STX8: variants seen among roughly 807,000 people sequenced by gnomAD.
The protein encoded by STX8 is syntaxin 8.
In STX8, 23 loss-of-function variants were observed where a neutral mutation model predicts 37.5. The ratio of observed to expected loss-of-function variants is 0.61; its 90% CI spans 0.44 to 0.87. The LOEUF is 0.87. STX8 is among the 40% of genes least tolerant of loss of function. STX8 has a pLI of 0.00. For missense variants in STX8, 313 were observed against 284.7 expected (o/e 1.10, Z -0.71); for synonymous variants, 115 against 99.1 (o/e 1.16, Z -0.95).
chr17:9,568,873 G>C (rs1907569508), intron 1 of STX8, among the ~76,000 whole-genome samples: 1 of 152,196 alleles, frequency 6.6e-6, no homozygotes, highest in African/African-American at 2.4e-5. Context: ...TTCAAACAGA[G>C]GGGAAGAATA....
At chr17:9,504,975 A>AAAAAAAAG in intron 5 of STX8, 63 bp downstream of exon 5, 1 of 1,372,690 alleles carries the variant, frequency 7.3e-7, no homozygotes, top group African/African-American at 1.5e-5. Flanking sequence ...CTCCGTCTCA[A>AAAAAAAAG]AAAAAAAAAA....
chr17:9,257,635 T>G (rs1906849064), intron 7 of STX8, among the ~76,000 whole-genome samples: 1 of 152,192 alleles, frequency 6.6e-6, no homozygotes, highest in South Asian at 2.1e-4. Context: ...TTTTATCTGG[T>G]TTTGTTGCAA....
intron 3 of STX8, among the ~76,000 whole-genome samples, chr17:9,545,976 A>G (rs1342030896): frequency 1.3e-5 from 2 of 152,194 alleles, no homozygotes; most frequent in Non-Finnish European, 2.9e-5. Flanking sequence ...TCAGTGTTCC[A>G]GGGCATTTTC....
chr17:9,555,867 G>C (rs1906946869), intron 3 of STX8, among the ~76,000 whole-genome samples: 1 of 150,118 alleles, frequency 6.7e-6, no homozygotes, highest in Non-Finnish European at 1.5e-5. Context: ...CTGCACTCCA[G>C]CCTGGGCAAC....
At chr17:9,516,504 GGTTT>G (rs1484711760) in intron 4 of STX8, among the ~76,000 whole-genome samples, 1 of 151,330 alleles carries the variant, frequency 6.6e-6, no homozygotes, top group Non-Finnish European at 1.5e-5. Flanking sequence ...ACTTCTCTCT[GGTTT>G]GTTTGGTGTT....
chr17:9,513,381 T>A (rs145765894), intron 4 of STX8, among the ~76,000 whole-genome samples: 88 of 151,584 alleles, frequency 5.8e-4, no homozygotes, highest in Admixed American at 1.7e-3. Context: ...GACCAGACAT[T>A]TCTCAAAAAA....
chr17:9,322,506 C>T (rs765195580), intron 7 of STX8, among the ~76,000 whole-genome samples: 3 of 152,164 alleles, frequency 2.0e-5, no homozygotes, highest in Non-Finnish European at 4.4e-5. Context: ...ACTTCCACAG[C>T]CCAGGGGGTG....
At position 9,290,819 on chromosome 17, in the gene STX8, G is replaced by GCCCCC. The variant is rs1908286883; in HGVS notation, c.644-40175_644-40174insGGGGG. ...TTGGAAAAGGGGAAAGGCACACATT[G>GCCCCC]CCACCCAGTCCAGGACGTACATGCT... On this transcript the variant is annotated intron_variant, in intron 7 of 7. Coordinates refer to ENST00000306357, the MANE Select transcript of STX8 (RefSeq NM_004853.3). Among the ~76,000 whole-genome samples the GCCCCC allele has an allele frequency of 2.6e-5, 4 of 152,298 alleles. No individual in the cohort carries two copies. The South Asian group carries it at 8.3e-4, about 32-fold the overall frequency.
rs367970794 is a variant in STX8 at position 9,338,346 on chromosome 17, G to A, written c.643+40206C>T. Among the ~76,000 whole-genome samples the A allele has an allele frequency of 3.3e-5, 5 of 152,110 alleles. No homozygotes were observed. In the East Asian group the frequency reaches 5.8e-4, roughly 18 times the overall value. ...TGGGATTACAGGCGTGAGCCACAGC[G>A]TCCAGGTATTCTGAAGGGTTTTTAA... On this transcript the variant is annotated intron_variant, in intron 7 of 7. Coordinates refer to ENST00000306357, the MANE Select transcript of STX8 (RefSeq NM_004853.3).
chr17:9,496,008 G>T (rs1904383786), intron 5 of STX8, among the ~76,000 whole-genome samples: 1 of 151,706 alleles, frequency 6.6e-6, no homozygotes, highest in African/African-American at 2.4e-5. Flanking sequence ...GGGCAATATA[G>T]CAAGACTCCT....
intron 7 of STX8, among the ~76,000 whole-genome samples, chr17:9,254,527 C>T (rs547282459): frequency 3.3e-5 from 5 of 152,040 alleles, no homozygotes; most frequent in Admixed American, 1.3e-4. Context: ...TCCCAAGTAG[C>T]GGGGATTACA....
At chr17:9,486,507 A>G (rs1394418303) in intron 6 of STX8, among the ~76,000 whole-genome samples, 4 of 152,148 alleles carry the variant, frequency 2.6e-5, no homozygotes, top group Non-Finnish European at 5.9e-5. Context: ...GGCTCATGCC[A>G]AAAGGTCTCA....
chr17:9,433,861 AG>A (rs1299941712), intron 6 of STX8, among the ~76,000 whole-genome samples: 1 of 152,170 alleles, frequency 6.6e-6, no homozygotes, highest in Non-Finnish European at 1.5e-5. Context: ...TGTGTCTTTT[AG>A]GTAAGAAAGA....
intron 6 of STX8, among the ~76,000 whole-genome samples, chr17:9,480,894 C>CT (rs199704199): frequency 5.3e-5 from 8 of 151,272 alleles, no homozygotes; most frequent in South Asian, 2.1e-4. Flanking sequence ...TTCTTTCTTT[C>CT]TTTTTTTTGA....
At chr17:9,415,731 T>C (rs934391222) in intron 6 of STX8, among the ~76,000 whole-genome samples, 8 of 152,182 alleles carry the variant, frequency 5.3e-5, no homozygotes, top group African/African-American at 1.7e-4. Flanking sequence ...ATTGCGCCAC[T>C]GCACTCCAGC....
At chr17:9,304,915 G>GAAAAA (rs1200902556) in intron 7 of STX8, among the ~76,000 whole-genome samples, 3 of 134,532 alleles carry the variant, frequency 2.2e-5, no homozygotes, top group African/African-American at 9.2e-5. Flanking sequence ...ATATATGGGC[G>GAAAAA]AAAAAAAAAA....
At chr17:9,488,800 A>AAGAGAGAG (rs201248571) in intron 6 of STX8, among the ~76,000 whole-genome samples, 18 of 140,792 alleles carry the variant, frequency 1.3e-4, no homozygotes, top group African/African-American at 4.8e-4. Flanking sequence ...TTAAGAGAGA[A>AAGAGAGAG]AGAGAGAGAG....
chr17:9,326,140 T>C (rs1046128687), intron 7 of STX8, among the ~76,000 whole-genome samples: 2 of 152,050 alleles, frequency 1.3e-5, no homozygotes, highest in Admixed American at 1.3e-4. Context: ...TTTTTTTTTT[T>C]TTCTTTTTGA....
intron 5 of STX8, among the ~76,000 whole-genome samples, chr17:9,498,514 A>T (rs1273100221): frequency 3.3e-5 from 5 of 152,216 alleles, no homozygotes; most frequent in African/African-American, 1.2e-4. Flanking sequence ...ATTTTAGGAA[A>T]GGAATCCTTC....
Sources: gnomAD v4.1 joint callset for allele counts (sites outside exome capture counted in the v4.1 genomes callset) on GRCh38, gnomAD v4.1.1 for gene constraint, MANE v1.5 for transcripts, NCBI Gene and HGNC (gene_info 2026-07-23, HGNC 2026-07-21) for gene names.